Variants in ANO6 observed in about 807,000 individuals in gnomAD.
The protein encoded by ANO6 is anoctamin-6.
A neutral mutation model predicts 117.5 loss-of-function variants in ANO6; 106 were observed. That is an observed-to-expected ratio of 0.90 (90% confidence interval 0.77 to 1.06). ANO6 has a LOEUF of 1.06. Ranked by LOEUF, ANO6 falls within the 50% of genes least tolerant of loss-of-function variation. ANO6 has a pLI of 0.00. For synonymous variants in ANO6, 367 were observed against 385.1 expected (o/e 0.95, Z 0.55); for missense variants, 955 against 1,121.1 (o/e 0.85, Z 2.12).
intron 12 of ANO6, among the ~76,000 whole-genome samples, chr12:45,395,642 C>T (rs1182366882): frequency 6.6e-6 from 1 of 152,188 alleles, no homozygotes; most frequent in Non-Finnish European, 1.5e-5. Context: ...GCTTATCCAA[C>T]ACGATCAAGT....
At chr12:45,226,747 G>T (rs1294902537) in intron 1 of ANO6, among the ~76,000 whole-genome samples, 1 of 151,718 alleles carries the variant, frequency 6.6e-6, no homozygotes, top group African/African-American at 2.4e-5. Context: ...TTTCTGATTT[G>T]TACTAAATTT....
intron 10 of ANO6, among the ~76,000 whole-genome samples, chr12:45,382,867 C>T (rs1942203812): frequency 6.6e-6 from 1 of 152,100 alleles, no homozygotes; most frequent in Admixed American, 6.6e-5. Flanking sequence ...GGTCTTGCCT[C>T]GATGTTGATG....
intron 1 of ANO6, among the ~76,000 whole-genome samples, chr12:45,226,882 A>G (rs1947489822): frequency 6.6e-6 from 1 of 151,664 alleles, no homozygotes. Flanking sequence ...ATGATTTGAA[A>G]CAATTGCATT....
intron 2 of ANO6, among the ~76,000 whole-genome samples, chr12:45,318,833 C>G (rs529384997): frequency 3.8e-4 from 58 of 152,222 alleles, no homozygotes; most frequent in African/African-American, 1.3e-3. Context: ...TTGAGGAGGT[C>G]CTTCACATCC....
chr12:45,380,844 C>T (rs1425060039), intron 10 of ANO6, among the ~76,000 whole-genome samples: 1 of 152,076 alleles, frequency 6.6e-6, no homozygotes, highest in African/African-American at 2.4e-5. Flanking sequence ...TGATGGTGCA[C>T]ACCTGTAATC....
intron 3 of ANO6, among the ~76,000 whole-genome samples, chr12:45,344,354 A>G (rs140606685): frequency 1.3e-5 from 2 of 152,334 alleles, no homozygotes; most frequent in East Asian, 1.9e-4. Context: ...TCACATTGCT[A>G]TAAAGAACTA....
intron 1 of ANO6, among the ~76,000 whole-genome samples, chr12:45,225,635 C>T (rs1368496272): frequency 6.6e-6 from 1 of 152,000 alleles, no homozygotes; most frequent in Non-Finnish European, 1.5e-5. Flanking sequence ...ACTACAGGCA[C>T]CCACCACCAC....
chr12:45,421,149 G>A lies in ANO6; in HGVS notation c.2296G>A (p.Asp766Asn), dbSNP rs781767589. 3.1e-6 allele frequency: 5 copies of A among 1,613,954 alleles called. No individual in the cohort carries two copies. ...GTCCTTCTCCGTCCCTCCCTACGGG[G>A]ACCACACTTCCTACACCATGGAAGG... ...YWSFSVPPYG[D>N]HTSYTMEGYI... Residue 766 changes from aspartate (D) to asparagine (N), a missense_variant, in exon 18 of 20, where the codon GAC becomes AAC. Asp to Asn is a conservative substitution (Grantham distance 23, BLOSUM62 1). Coordinates refer to ENST00000320560, the MANE Select transcript of ANO6 (RefSeq NM_001025356.3).
intron 1 of ANO6, among the ~76,000 whole-genome samples, chr12:45,218,390 C>CTTTTTTT (rs76855973): frequency 2.8e-4 from 31 of 110,094 alleles, no homozygotes; most frequent in African/African-American, 5.0e-4. Flanking sequence ...CTTTCTTTCT[C>CTTTTTTT]TTTTTTTTTT....
intron 16 of ANO6, among the ~76,000 whole-genome samples, chr12:45,416,425 G>A (rs886681637): frequency 2.6e-5 from 4 of 152,016 alleles, no homozygotes; most frequent in African/African-American, 7.3e-5. Flanking sequence ...TATTACCAGC[G>A]AATAATTCTG....
chr12:45,332,363 C>T (rs2137404363), intron 3 of ANO6, among the ~76,000 whole-genome samples: 1 of 151,858 alleles, frequency 6.6e-6, no homozygotes. Context: ...TAGACTGTCT[C>T]CTTGAAATAT....
In ANO6 at chr12:45,402,464, T is replaced by G. The variant is rs886252304; in HGVS notation, c.1612+444T>G. 6.6e-5 allele frequency among the ~76,000 whole-genome samples: 10 copies of G among 152,340 alleles called. 1 individual carries two copies. Among genetic ancestry groups the G allele is most frequent in the African/African-American group, 2.4e-4 (10 of 41,580 alleles). ...ATAATTCTCATCAGCCCTTGATTTTTTAATGTGTTTCTTCTCTCTGGCTTG... is the reference window on the plus strand; with the variant it reads ...ATAATTCTCATCAGCCCTTGATTTTGTAATGTGTTTCTTCTCTCTGGCTTG... On this transcript the variant is annotated intron_variant, in intron 13 of 19. Transcript: ENST00000320560.
chr12:45,408,094 T>TG (rs1942988636), intron 15 of ANO6, among the ~76,000 whole-genome samples: 1 of 152,214 alleles, frequency 6.6e-6, no homozygotes, highest in South Asian at 2.1e-4. Flanking sequence ...GTGAGCCGTT[T>TG]GTACTGCCTG....
At chr12:45,327,614 T>C (rs1457880431) in intron 2 of ANO6, among the ~76,000 whole-genome samples, 5 of 152,198 alleles carry the variant, frequency 3.3e-5, no homozygotes, top group South Asian at 2.1e-4. Flanking sequence ...CAAGTGTCTA[T>C]AATAGATGTT....
At chr12:45,281,496 G>A (rs954733179) in intron 1 of ANO6, among the ~76,000 whole-genome samples, 1 of 152,196 alleles carries the variant, frequency 6.6e-6, no homozygotes, top group South Asian at 2.1e-4. Context: ...GGCGGAAGGC[G>A]AAGGGGAGGC....
At chr12:45,234,618 A>G (rs999384092) in intron 1 of ANO6, among the ~76,000 whole-genome samples, 4 of 152,194 alleles carry the variant, frequency 2.6e-5, no homozygotes, top group African/African-American at 9.7e-5. Context: ...TCTTTTAAGA[A>G]TGACTCATGA....
At chr12:45,265,750 G>A (rs995934720) in intron 1 of ANO6, among the ~76,000 whole-genome samples, 5 of 152,156 alleles carry the variant, frequency 3.3e-5, no homozygotes, top group Non-Finnish European at 4.4e-5. Flanking sequence ...ACTGTGTAGG[G>A]ATAAAGCGCA....
At chr12:45,258,537 T>G (rs1379035053) in intron 1 of ANO6, among the ~76,000 whole-genome samples, 11 of 152,160 alleles carry the variant, frequency 7.2e-5, no homozygotes, top group Admixed American at 7.2e-4. Context: ...TCCTCTTTAC[T>G]TCTCTCTCCT....
chr12:45,273,872 C>T (rs1938465028), intron 1 of ANO6, among the ~76,000 whole-genome samples: 1 of 152,174 alleles, frequency 6.6e-6, no homozygotes, highest in Non-Finnish European at 1.5e-5. Flanking sequence ...TCTGAATACA[C>T]TTATGGGTAA....
Sources: gnomAD v4.1 joint callset for allele counts (sites outside exome capture counted in the v4.1 genomes callset) on GRCh38, gnomAD v4.1.1 for gene constraint, MANE v1.5 for transcripts, NCBI Gene and HGNC (gene_info 2026-07-23, HGNC 2026-07-21) for gene names.